Variants in PLCL1 observed in about 807,000 individuals in gnomAD.
PLCL1 encodes the protein inactive phospholipase C-like protein 1.
A neutral mutation model predicts 84.4 loss-of-function variants in PLCL1; 41 were observed. The observed-to-expected ratio is 0.49, with a 90% CI of 0.38 to 0.63. The LOEUF (loss-of-function observed/expected upper bound fraction) is 0.63. PLCL1 is among the 30% of genes least tolerant of loss of function. PLCL1 has a pLI of 0.00. For synonymous variants in PLCL1, 490 were observed against 488.3 expected, an observed-to-expected ratio of 1.00 and a Z score of -0.05; for missense variants, 1,206 against 1,367.8, an observed-to-expected ratio of 0.88 and a Z score of 1.87.
chr2:198,092,978 C>T lies in PLCL1; in HGVS notation c.2919+3917C>T, dbSNP rs562593911. Among the ~76,000 whole-genome samples, 9 of 152,252 alleles carry T rather than the reference C, an allele frequency of 5.9e-5. No homozygotes were observed. The South Asian group carries it at 1.9e-3, about 32-fold the overall frequency. On this transcript the variant is annotated intron_variant, in intron 3 of 5. Coordinates refer to ENST00000428675, the MANE Select transcript of PLCL1 (RefSeq NM_006226.4). ...GTGTAGTTTCCATCCTATAACTGAA[C>T]ATGTTTGATGATAAATTATTAAATC...
chr2:198,105,700 A>G (rs778691823), intron 5 of PLCL1, among the ~76,000 whole-genome samples: 2 of 151,588 alleles, frequency 1.3e-5, no homozygotes, highest in Non-Finnish European at 2.9e-5. Context: ...GGAAAGAATA[A>G]TGACAAATGC....
chr2:197,989,117 G>A (rs544706845), intron 1 of PLCL1, among the ~76,000 whole-genome samples: 8 of 152,220 alleles, frequency 5.3e-5, no homozygotes, highest in South Asian at 2.1e-4. Context: ...TACAAAATGC[G>A]TAAAACAAAA....
At chr2:198,055,880 A>G (rs1692059921) in intron 1 of PLCL1, among the ~76,000 whole-genome samples, 1 of 152,174 alleles carries the variant, frequency 6.6e-6, no homozygotes, top group African/African-American at 2.4e-5. Context: ...CATACACACA[A>G]TGGAACCTGA....
chr2:197,922,897 CG>C (rs1688738796), intron 1 of PLCL1, among the ~76,000 whole-genome samples: 1 of 133,308 alleles, frequency 7.5e-6, no homozygotes, highest in Non-Finnish European at 1.7e-5. Flanking sequence ...GCTGGCCGGG[CG>C]GGGGGCTGAC....
intron 1 of PLCL1, among the ~76,000 whole-genome samples, chr2:198,034,516 A>G (rs1258723616): frequency 6.6e-6 from 1 of 152,228 alleles, no homozygotes; most frequent in African/African-American, 2.4e-5. Flanking sequence ...GAAATGTGGC[A>G]CATATACACC....
chr2:197,970,701 G>A, intron 1 of PLCL1, among the ~76,000 whole-genome samples: 1 of 152,136 alleles, frequency 6.6e-6, no homozygotes, highest in Non-Finnish European at 1.5e-5. Flanking sequence ...GTGCTGCACT[G>A]AACTACAAGC....
At chr2:197,955,857 G>T (rs1012597022) in intron 1 of PLCL1, among the ~76,000 whole-genome samples, 1 of 151,566 alleles carries the variant, frequency 6.6e-6, no homozygotes, top group Admixed American at 6.6e-5. Flanking sequence ...GAATGTGCAG[G>T]TTTGTTACAT....
At chr2:197,941,544 C>G (rs532831262) in intron 1 of PLCL1, among the ~76,000 whole-genome samples, 8 of 152,276 alleles carry the variant, frequency 5.3e-5, no homozygotes, top group African/African-American at 1.9e-4. Flanking sequence ...TCCTATCTTC[C>G]AAAGTGTTAG....
intron 1 of PLCL1, among the ~76,000 whole-genome samples, chr2:197,848,208 G>A (rs1171914561): frequency 6.6e-6 from 1 of 152,070 alleles, no homozygotes. Context: ...TAAAACAATG[G>A]GTTTGGGAGC....
intron 1 of PLCL1, among the ~76,000 whole-genome samples, chr2:198,080,659 G>A (rs1007998857): frequency 5.9e-5 from 9 of 152,128 alleles, no homozygotes; most frequent in South Asian, 4.1e-4. Flanking sequence ...CTTTTCCAGC[G>A]TATTTTGAAT....
intron 5 of PLCL1, among the ~76,000 whole-genome samples, chr2:198,117,838 T>G (rs1207195238): frequency 2.6e-5 from 4 of 151,892 alleles, no homozygotes; most frequent in Admixed American, 6.6e-5. Flanking sequence ...CCATAGAGTC[T>G]TTACATGTAC....
At chr2:198,101,154 C>T in intron 3 of PLCL1, 131 bp from the exon 4 acceptor site, 1 of 661,004 alleles carries the variant, frequency 1.5e-6, no homozygotes. Flanking sequence ...CCTTCTCCCT[C>T]CCATCTGTTG....
chr2:198,084,478 G>A lies in PLCL1; in HGVS notation c.961G>A (p.Val321Ile), dbSNP rs565066776. ...CAGGCCAGAAGTGTATTTCTTACTTGTACAGATATCTAAAAACAAAGAATA... is the reference window on the plus strand; with the variant it reads ...CAGGCCAGAAGTGTATTTCTTACTTATACAGATATCTAAAAACAAAGAATA... ...CTRPEVYFLLVQISKNKEYLD... is the reference protein window; with the variant it reads ...CTRPEVYFLLIQISKNKEYLD... Residue 321 changes from valine (V) to isoleucine (I), a missense_variant, in exon 2 of 6, where the codon GTA (valine) becomes ATA (isoleucine). By Grantham distance (29) the Val-to-Ile change is conservative (BLOSUM62 3). Coordinates refer to ENST00000428675, the MANE Select transcript of PLCL1 (RefSeq NM_006226.4). The A allele has an allele frequency of 6.2e-7, 1 of 1,614,014 alleles. No individual in the cohort carries two copies. The highest frequency in any genetic ancestry group is 8.5e-7 in the Non-Finnish European group (1 of 1,179,906).
At position 198,089,052 on chromosome 2, in the gene PLCL1, T is replaced by C. The variant is rs1463337583; in HGVS notation, c.2910T>C (p.Ala970=). Residue 970 remains alanine, a synonymous_variant, in exon 3 of 6, where the codon GCT becomes GCC. Transcript: ENST00000428675. ...IPDVQKKMLT[A]YDLMIQESRF... is the part of the protein sequence containing the mutation. Reference sequence around the variant, plus strand: ...ATGTGCAGAAAAAGATGCTGACTGCTTATGATCTGGTAGGAAATTGCGACT... The same window carrying C: ...ATGTGCAGAAAAAGATGCTGACTGCCTATGATCTGGTAGGAAATTGCGACT... 2 of 1,613,000 alleles carry C rather than the reference T, an allele frequency of 1.2e-6. No homozygotes were observed. The highest frequency in any genetic ancestry group is 1.3e-5 in the African/African-American group (1 of 74,916).
intron 3 of PLCL1, 96 bp downstream of exon 3, chr2:198,089,157 G>A (rs1456992862): frequency 4.7e-6 from 4 of 853,362 alleles, no homozygotes; most frequent in East Asian, 2.4e-5. Context: ...AATAACACAG[G>A]GTGACTACCT....
chr2:197,965,008 C>A (rs1438649507), intron 1 of PLCL1, among the ~76,000 whole-genome samples: 1 of 151,746 alleles, frequency 6.6e-6, no homozygotes, highest in Non-Finnish European at 1.5e-5. Context: ...TTTTATTGGC[C>A]TGTAGTTTTC....
At chr2:198,117,481 T>C (rs1356469102) in intron 5 of PLCL1, among the ~76,000 whole-genome samples, 1 of 151,786 alleles carries the variant, frequency 6.6e-6, no homozygotes, top group African/African-American at 2.4e-5. Flanking sequence ...ACTGCTTGGA[T>C]GGGCACAATT....
At chr2:198,054,255 A>AT (rs1487552930) in intron 1 of PLCL1, among the ~76,000 whole-genome samples, 1 of 152,212 alleles carries the variant, frequency 6.6e-6, no homozygotes, top group Admixed American at 6.5e-5. Context: ...ATATTTATTG[A>AT]TTTTTTGTTT....
intron 5 of PLCL1, among the ~76,000 whole-genome samples, chr2:198,116,446 C>A (rs1191281050): frequency 6.6e-6 from 1 of 151,784 alleles, no homozygotes; most frequent in Admixed American, 6.6e-5. Context: ...TAATTAATAA[C>A]TGAATTTTCC....
Sources: gnomAD v4.1 joint callset for allele counts (sites outside exome capture counted in the v4.1 genomes callset) on GRCh38, gnomAD v4.1.1 for gene constraint, MANE v1.5 for transcripts, NCBI Gene and HGNC (gene_info 2026-07-23, HGNC 2026-07-21) for gene names.